CDC42BPB: variants seen among roughly 807,000 people sequenced by gnomAD.
CDC42BPB encodes CDC42 binding protein kinase beta.
In CDC42BPB, 37 loss-of-function variants were observed where a neutral mutation model predicts 214.9. The ratio of observed to expected loss-of-function variants is 0.17; its 90% CI spans 0.13 to 0.23. The LOEUF is 0.23. Among genes scored for constraint, CDC42BPB ranks in the 10% least tolerant of loss-of-function variants. The pLI is 1.00. For missense variants in CDC42BPB, 1,694 were observed against 2,227.0 expected (o/e 0.76, Z 4.82); for synonymous variants, 931 against 884.0 (o/e 1.05, Z -0.94).
intron 20 of CDC42BPB, among the ~76,000 whole-genome samples, chr14:102,960,064 G>A (rs527822140): frequency 9.2e-5 from 14 of 152,048 alleles, no homozygotes; most frequent in Non-Finnish European, 1.8e-4. Flanking sequence ...AAAATTAGCT[G>A]TGCATGGTGG....
chr14:102,968,132 C>T (rs1369809470), intron 16 of CDC42BPB, 121 bp downstream of exon 16: 22 of 667,858 alleles, frequency 3.3e-5, no homozygotes, highest in East Asian at 1.1e-4. Flanking sequence ...TCAAGAATGA[C>T]GACATTCTAC....
chr14:103,034,561 C>T (rs1488677000), intron 1 of CDC42BPB, among the ~76,000 whole-genome samples: 5 of 152,126 alleles, frequency 3.3e-5, no homozygotes, highest in African/African-American at 1.2e-4. Context: ...TGCCTGCAAT[C>T]CCAACACTTT....
At chr14:102,962,990 A>G in intron 20 of CDC42BPB, 71 bp downstream of exon 20, 1 of 772,388 alleles carries the variant, frequency 1.3e-6, no homozygotes, top group Non-Finnish European at 2.1e-6. Flanking sequence ...TTAAGTCGAA[A>G]AGAAAATAAA....
At chr14:103,050,126 A>G (rs1382103395) in intron 1 of CDC42BPB, among the ~76,000 whole-genome samples, 1 of 152,200 alleles carries the variant, frequency 6.6e-6, no homozygotes, top group Non-Finnish European at 1.5e-5. Context: ...ATATGAAGGC[A>G]TTGTAGTTTT....
chr14:103,025,781 T>G (rs1887017632), intron 1 of CDC42BPB, among the ~76,000 whole-genome samples: 2 of 146,326 alleles, frequency 1.4e-5, no homozygotes, highest in South Asian at 4.3e-4. Flanking sequence ...CACTCCAGCC[T>G]GGGTGACAGA....
chr14:102,945,351 G>GA (rs1566844918), intron 29 of CDC42BPB: 1 of 500,080 alleles, frequency 2.0e-6, no homozygotes, highest in African/African-American at 1.9e-5. Context: ...TGGAAGCAAA[G>GA]AAACTAAAGC....
At chr14:102,935,187 A>G (rs1010409934) in intron 36 of CDC42BPB, among the ~76,000 whole-genome samples, 3 of 152,216 alleles carry the variant, frequency 2.0e-5, no homozygotes, top group Admixed American at 2.0e-4. Context: ...CTCTTTGCAG[A>G]TGACATGATT....
In CDC42BPB at chr14:102,997,411, G is replaced by C. The variant is rs148236538; in HGVS notation, c.596+2154C>G. ...ACCACTGGAGGACACGCGCTACCAA[G>C]CCAAACTAAAAAGCCAAGAAAAAGA... On this transcript the variant is annotated intron_variant, in intron 5 of 36. Coordinates refer to ENST00000361246, the MANE Select transcript of CDC42BPB (RefSeq NM_006035.4). Among the ~76,000 whole-genome samples, 301 of 152,054 alleles carry C rather than the reference G, an allele frequency of 2.0e-3. 2 individuals carry two copies. Among genetic ancestry groups the C allele is most frequent in the African/African-American group, 6.9e-3 (286 of 41,500 alleles).
chr14:103,027,548 G>C (rs1199899203), intron 1 of CDC42BPB, among the ~76,000 whole-genome samples: 1 of 152,218 alleles, frequency 6.6e-6, no homozygotes, highest in Non-Finnish European at 1.5e-5. Flanking sequence ...GCCAGAGAAA[G>C]TAATTAAATA....
intron 1 of CDC42BPB, among the ~76,000 whole-genome samples, chr14:103,037,098 T>C (rs570775701): frequency 1.5e-5 from 2 of 132,488 alleles, no homozygotes; most frequent in African/African-American, 7.5e-5. Flanking sequence ...CTCAGACTTT[T>C]AGACTTATCA....
At chr14:103,053,573 A>C (rs971688669) in intron 1 of CDC42BPB, among the ~76,000 whole-genome samples, 4 of 151,558 alleles carry the variant, frequency 2.6e-5, no homozygotes, top group Middle Eastern at 3.2e-3. Context: ...CATCCTGGCT[A>C]ACACGGTGAA....
chr14:103,020,464 G>A (rs1886707394), intron 1 of CDC42BPB, among the ~76,000 whole-genome samples: 1 of 152,220 alleles, frequency 6.6e-6, no homozygotes, highest in Non-Finnish European at 1.5e-5. Context: ...CAGCTGCAGG[G>A]GAGGCACCTA....
At chr14:103,003,653 A>C (rs1313203585) in intron 4 of CDC42BPB, among the ~76,000 whole-genome samples, 1 of 152,236 alleles carries the variant, frequency 6.6e-6, no homozygotes, top group Non-Finnish European at 1.5e-5. Flanking sequence ...AAAGTGTTTC[A>C]AACTCCCAGC....
In CDC42BPB at chr14:102,982,841, T is replaced by C. The variant is rs1423402123; in HGVS notation, c.891+715A>G. 4.6e-5 allele frequency among the ~76,000 whole-genome samples: 7 copies of C among 151,950 alleles called. No individual in the cohort carries two copies. The East Asian group carries it at 9.6e-4, about 21-fold the overall frequency. ...TTGCAGTGAGCCGAGACTGCGCCACTGTACTCCAGCCTGGGCGACAGAGTG... is the reference window on the plus strand; with the variant it reads ...TTGCAGTGAGCCGAGACTGCGCCACCGTACTCCAGCCTGGGCGACAGAGTG... On this transcript the variant is annotated intron_variant, in intron 7 of 36. Transcript: ENST00000361246.
intron 2 of CDC42BPB, among the ~76,000 whole-genome samples, chr14:103,010,063 G>A (rs776257545): frequency 6.6e-6 from 1 of 152,044 alleles, no homozygotes; most frequent in Non-Finnish European, 1.5e-5. Flanking sequence ...GGGCGGGAGG[G>A]TTGCTTGAGC....
chr14:102,968,680 C>T lies in CDC42BPB; in HGVS notation c.2032G>A (p.Glu678Lys). Residue 678 changes from glutamate to lysine, a missense_variant, in exon 15 of 37, where the codon GAG becomes AAG. Physicochemically the swap from Glu to Lys is moderately conservative, Grantham distance 56. Around this residue, in one of 7 missense-constraint regions of CDC42BPB, gnomAD observed 462 missense variants for 513.5 expected, o/e 0.90. Coordinates refer to ENST00000361246, the MANE Select transcript of CDC42BPB (RefSeq NM_006035.4). Reference sequence around the variant, plus strand: ...ATTTTGGAAATCTCTTGCTGGTGCTCTAAGGTGGCACCCGCTCCCCGGCCT... The same window carrying T: ...ATTTTGGAAATCTCTTGCTGGTGCTTTAAGGTGGCACCCGCTCCCCGGCCT... ...QGGRGAGATLEHQQEISKIKS... is the reference protein window; with the variant it reads ...QGGRGAGATLKHQQEISKIKS... 3.1e-6 allele frequency: 5 copies of T among 1,614,154 alleles called. No homozygotes were observed. The highest frequency in any genetic ancestry group is 3.4e-6 in the Non-Finnish European group (4 of 1,180,028).
At chr14:103,023,566 C>T (rs984036575) in intron 1 of CDC42BPB, among the ~76,000 whole-genome samples, 3 of 152,150 alleles carry the variant, frequency 2.0e-5, no homozygotes, top group African/African-American at 7.2e-5. Context: ...CTTGGCCTTC[C>T]AAAGTGTTGG....
rs1408334144 is a variant in CDC42BPB at position 102,938,122 on chromosome 14, G to A, written c.4986C>T (p.Asp1662=). 1 of 1,613,982 alleles carries A rather than the reference G, an allele frequency of 6.2e-7. No individual in the cohort carries two copies. ...TVPLRSMSDP[D]QDFDKEPDSD... ...GTCTCACCTCTTTGTCAAAGTCCTGGTCTGGATCAGACATACTTCTCAGAG... is the reference window on the plus strand; with the variant it reads ...GTCTCACCTCTTTGTCAAAGTCCTGATCTGGATCAGACATACTTCTCAGAG... The change falls in exon 36 of 37, where the codon GAC becomes GAT. Residue 1662 remains aspartate (D), a synonymous_variant. Transcript: ENST00000361246.
chr14:103,004,049 C>A lies in CDC42BPB; in HGVS notation c.352-26G>T. ...CTGCAAAGCAACGAGGGGTGTCAGT[C>A]TGTGTTCACTGGGAAGCAGGCCAGA... On this transcript the variant is annotated intron_variant, in intron 3 of 36. Coordinates refer to ENST00000361246, the MANE Select transcript of CDC42BPB (RefSeq NM_006035.4). This position sits in a 1 kb window ranked among gnomAD's most constrained non-coding sequence, Gnocchi z 5.3. The A allele has an allele frequency of 6.4e-7, 1 of 1,572,334 alleles. No homozygotes were observed. The highest frequency in any genetic ancestry group is 1.1e-5 in the South Asian group (1 of 87,846).
Sources: allele counts gnomAD v4.1 joint callset (sites outside exome capture counted in the v4.1 genomes callset), GRCh38; gene constraint gnomAD v4.1.1; regional missense constraint gnomAD v4.1.1; non-coding constraint Gnocchi (gnomAD v3.1); transcripts MANE v1.5; gene names NCBI Gene and HGNC (gene_info 2026-07-23, HGNC 2026-07-21).